ZNF34: variants seen among roughly 807,000 people sequenced by gnomAD.
The protein encoded by ZNF34 is zinc finger protein 34, also known as zinc finger protein 34 (KOX 32).
A neutral mutation model predicts 14.4 loss-of-function variants in ZNF34; 8 were observed. That is an observed-to-expected ratio of 0.55 (90% CI 0.33 to 1.00). The LOEUF (loss-of-function observed/expected upper bound fraction) is 1.00, where lower values mean the gene tolerates loss of function less well. Among genes scored for constraint, ZNF34 ranks in the 50% least tolerant of loss-of-function variants. The probability of loss-of-function intolerance (pLI) is 0.03; values close to 1 mark genes in which losing one functional copy is unlikely to be tolerated. For synonymous variants in ZNF34, 235 were observed against 247.9 expected, an observed-to-expected ratio of 0.95 and a Z score of 0.49; for missense variants, 538 against 674.2, an observed-to-expected ratio of 0.80 and a Z score of 2.24.
chr8:144,773,280 C>T lies in ZNF34; in HGVS notation c.1606G>A (p.Asp536Asn). Residue 536 changes from aspartate to asparagine, a missense_variant, in exon 6 of 6, where the codon GAC becomes AAC. Asp to Asn is a conservative substitution (Grantham distance 23, BLOSUM62 1). This residue lies in a region of ZNF34 where 101 missense variants were observed against 123.1 expected (regional missense o/e 0.82). Transcript: ENST00000429371. The surrounding 1 kb of genome is among the most constrained non-coding windows in gnomAD (Gnocchi z 5.4). ...CQHQRIHLRE[D>N]FSM ...CCGCGCCACTGTTACATGGAGAAGT[C>T]CTCCCGGAGGTGAATCCGCTGATGC... The T allele has an allele frequency of 6.2e-7, 1 of 1,606,646 alleles. No individual in the cohort carries two copies. The highest frequency in any genetic ancestry group is 8.5e-7 in the Non-Finnish European group (1 of 1,174,496).
At position 144,773,385 on chromosome 8, in the gene ZNF34, G is replaced by T. The variant is rs775635720; in HGVS notation, c.1501C>A (p.Arg501=). ...FSQSTYLIQH[R]RIHTGEKPYK... is the part of the protein sequence containing the mutation. ...GGCTTCTCCCCGGTGTGGATCCTCCGGTGCTGAATCAAGTACGTGCTCTGG... is the reference window on the plus strand; with the variant it reads ...GGCTTCTCCCCGGTGTGGATCCTCCTGTGCTGAATCAAGTACGTGCTCTGG... The change falls in exon 6 of 6, where the codon CGG becomes AGG. Residue 501 remains arginine (R), a synonymous_variant. Coordinates refer to ENST00000429371, the MANE Select transcript of ZNF34 (RefSeq NM_001286769.2). This position sits in a 1 kb window ranked among gnomAD's most constrained non-coding sequence, Gnocchi z 5.4. 1.2e-6 allele frequency: 2 copies of T among 1,613,854 alleles called. No individual in the cohort carries two copies. The highest frequency in any genetic ancestry group is 3.3e-5 in the Admixed American group (2 of 59,972).
At chr8:144,784,842 G>A (rs774784168) in intron 1 of ZNF34, among the ~76,000 whole-genome samples, 1 of 151,818 alleles carries the variant, frequency 6.6e-6, no homozygotes, top group Admixed American at 6.6e-5. Flanking sequence ...AAGAAAAAAG[G>A]CCAGGCATGG....
intron 1 of ZNF34, among the ~76,000 whole-genome samples, chr8:144,784,017 G>A (rs1279592654): frequency 6.6e-6 from 1 of 151,916 alleles, no homozygotes; most frequent in African/African-American, 2.4e-5. Flanking sequence ...AAATTAGCCC[G>A]GCCATGGTGG....
intron 1 of ZNF34, among the ~76,000 whole-genome samples, chr8:144,781,497 C>T (rs936635058): frequency 1.3e-5 from 2 of 152,034 alleles, no homozygotes; most frequent in Non-Finnish European, 2.9e-5. Context: ...ACCTTGTGAT[C>T]TGCCCGCCTT....
At position 144,777,681 on chromosome 8, in the gene ZNF34, G is replaced by T; in HGVS notation, c.161-104C>A. On this transcript the variant is annotated intron_variant, in intron 4 of 5. Transcript: ENST00000429371. This position sits in a 1 kb window ranked among gnomAD's most constrained non-coding sequence, Gnocchi z 4.8. Reference sequence around the variant, plus strand: ...GGTAAGGGAGGCACAGGCAGAGGGGGTGATGGAAGCCTGGACACTCTCTGG... The same window carrying T: ...GGTAAGGGAGGCACAGGCAGAGGGGTTGATGGAAGCCTGGACACTCTCTGG... 1 of 1,374,600 alleles carries T rather than the reference G, an allele frequency of 7.3e-7. No individual in the cohort carries two copies. The highest frequency in any genetic ancestry group is 9.8e-7 in the Non-Finnish European group (1 of 1,016,362). The allele number at this position is 1,374,600 out of a possible 1,614,324, so 85.2% of individuals were successfully genotyped here.
rs1203082868 is a variant in ZNF34, at chr8:144,773,779, T to C, written c.1107A>G (p.Pro369=). 6.2e-7 allele frequency: 1 copy of C among 1,614,046 alleles called. No individual in the cohort carries two copies. Among genetic ancestry groups the C allele is most frequent in the Non-Finnish European group, 8.5e-7 (1 of 1,179,948 alleles). ...CTTTGCCACATTCCTTGCACTCAAATGGCTTCTCTCCGGTGTGAGTCCGAC... is the reference window on the plus strand; with the variant it reads ...CTTTGCCACATTCCTTGCACTCAAACGGCTTCTCTCCGGTGTGAGTCCGAC... ...RHRRTHTGEK[P]FECKECGKGF... Residue 369 remains proline, a synonymous_variant, in exon 6 of 6, where the codon CCA becomes CCG. Coordinates refer to ENST00000429371, the MANE Select transcript of ZNF34 (RefSeq NM_001286769.2). The surrounding 1 kb of genome is among the most constrained non-coding windows in gnomAD (Gnocchi z 5.4).
chr8:144,781,235 T>G (rs1365001537), intron 1 of ZNF34, among the ~76,000 whole-genome samples: 1 of 151,650 alleles, frequency 6.6e-6, no homozygotes. Context: ...ACAGTATGGA[T>G]CTACCAAACA....
intron 1 of ZNF34, among the ~76,000 whole-genome samples, chr8:144,783,034 T>C (rs1825997529): frequency 6.6e-6 from 1 of 151,558 alleles, no homozygotes; most frequent in Non-Finnish European, 1.5e-5. Context: ...TGTGGTTGGC[T>C]CATGCCTGTA....
chr8:144,773,082 G>T lies in ZNF34; in HGVS notation c.*184C>A. ...AAGCTTCTTTTTTGCCCACTTTTCT[G>T]TCTCAATTTCTCTAAAATGAACATG... On this transcript the variant is annotated 3_prime_UTR_variant, in exon 6 of 6. Coordinates refer to ENST00000429371, the MANE Select transcript of ZNF34 (RefSeq NM_001286769.2). The surrounding 1 kb of genome is among the most constrained non-coding windows in gnomAD (Gnocchi z 5.4). 1 of 638,546 alleles carries T rather than the reference G, an allele frequency of 1.6e-6. No homozygotes were observed. Among genetic ancestry groups the T allele is most frequent in the Non-Finnish European group, 2.4e-6 (1 of 414,690 alleles). The allele number at this position is 638,546 out of a possible 1,614,324, so 39.6% of individuals were successfully genotyped here. A position where few individuals can be genotyped will look rare whatever the true frequency, so the allele number is the denominator to read the frequency against.
chr8:144,773,543 T>C lies in ZNF34; in HGVS notation c.1343A>G (p.His448Arg). The change falls in exon 6 of 6, where the codon CAC becomes CGC. Residue 448 changes from histidine to arginine, a missense_variant. By Grantham distance (29) the His-to-Arg change is conservative. Transcript: ENST00000429371. This position sits in a 1 kb window ranked among gnomAD's most constrained non-coding sequence, Gnocchi z 5.4. The part of the protein sequence containing the change: ...STHLIQHQRI[H>R]TGEKPYKCSE... ...GCACTTGTAGGGCTTCTCTCCTGTG[T>C]GGATTCTCTGGTGCTGGATGAGGTG... The C allele has an allele frequency of 6.2e-7, 1 of 1,614,242 alleles. No individual in the cohort carries two copies. Among genetic ancestry groups the C allele is most frequent in the Non-Finnish European group, 8.5e-7 (1 of 1,180,036 alleles).
At position 144,778,093 on chromosome 8, in the gene ZNF34, C is replaced by T. The variant is rs762742514; in HGVS notation, c.105G>A (p.Gln35=). ...REEWGRLGPA[Q]RGLYRDVMLE... ...GCATCACGTCCCTGTAGAGGCCCCT[C>T]TGAGCAGGGCCCAGGCGGCCCCATT... is the stretch of plus-strand genomic sequence containing the variant. The change falls in exon 4 of 6, where the codon CAG becomes CAA. Residue 35 remains glutamine (Q), a synonymous_variant. Coordinates refer to ENST00000429371, the MANE Select transcript of ZNF34 (RefSeq NM_001286769.2). The T allele has an allele frequency of 1.2e-6, 2 of 1,614,068 alleles. No individual in the cohort carries two copies. Among genetic ancestry groups the T allele is most frequent in the Non-Finnish European group, 1.7e-6 (2 of 1,179,950 alleles).
chr8:144,782,842 CAAAAAAAAAA>C (rs548252812), intron 1 of ZNF34, among the ~76,000 whole-genome samples: 12 of 22,972 alleles, frequency 5.2e-4, no homozygotes, highest in South Asian at 7.2e-3. Context: ...AAGCCTATCT[CAAAAAAAAAA>C]AAAAAAAAAA....
At position 144,773,884 on chromosome 8, in the gene ZNF34, T is replaced by C; in HGVS notation, c.1002A>G (p.Arg334=). The C allele has an allele frequency of 6.2e-7, 1 of 1,613,820 alleles. No homozygotes were observed. The highest frequency in any genetic ancestry group is 8.5e-7 in the Non-Finnish European group (1 of 1,179,960). ...SAYSSLIYHQ[R]IHTGEKPYKC... ...TATAGGGTTTCTCTCCGGTGTGGAT[T>C]CTCTGGTGATAAATCAGGGAAGAGT... The change falls in exon 6 of 6, where the codon AGA becomes AGG. Residue 334 remains arginine (R), a synonymous_variant. Coordinates refer to ENST00000429371, the MANE Select transcript of ZNF34 (RefSeq NM_001286769.2). This position sits in a 1 kb window ranked among gnomAD's most constrained non-coding sequence, Gnocchi z 5.4.
At chr8:144,776,650 C>CT (rs2130231423) in intron 5 of ZNF34, among the ~76,000 whole-genome samples, 1 of 151,690 alleles carries the variant, frequency 6.6e-6, no homozygotes, top group South Asian at 2.1e-4. Context: ...GTGGCTCACA[C>CT]TTTAACTCCA....
chr8:144,785,142 T>C (rs1409888071), intron 1 of ZNF34, among the ~76,000 whole-genome samples: 3 of 149,728 alleles, frequency 2.0e-5, no homozygotes, highest in African/African-American at 7.4e-5. Flanking sequence ...AAAAGGATTC[T>C]GTACAAGACA....
At position 144,779,126 on chromosome 8, in the gene ZNF34, C is replaced by A. The variant is rs1431331984; in HGVS notation, c.-54-601G>T. ...AAACCCCTTGTGGCTTGGATGGAAT[C>A]CAGGGCTCAGGGCACAAAACCCCTC... On this transcript the variant is annotated intron_variant, in intron 2 of 5. Transcript: ENST00000429371. The surrounding 1 kb of genome is among the most constrained non-coding windows in gnomAD (Gnocchi z 4.1). Among the ~76,000 whole-genome samples, 1 of 151,932 alleles carries A rather than the reference C, an allele frequency of 6.6e-6. No individual in the cohort carries two copies. Among genetic ancestry groups the A allele is most frequent in the African/African-American group, 2.4e-5 (1 of 41,360 alleles).
rs1235533179 is a variant in ZNF34, at chr8:144,777,524, C to T, written c.214G>A (p.Asp72Asn). Reference sequence around the variant, plus strand: ...TGAACATCCAGGACCCAGGGCTCATCCCCTCGCTCCAACTGCGAGATCACT... The same window carrying T: ...TGAACATCCAGGACCCAGGGCTCATTCCCTCGCTCCAACTGCGAGATCACT... ...PGVISQLERG[D>N]EPWVLDVQGT... The change falls in exon 5 of 6, where the codon GAT (aspartate) becomes AAT (asparagine). Residue 72 changes from aspartate (D) to asparagine (N), a missense_variant. Transcript: ENST00000429371. The surrounding 1 kb of genome is among the most constrained non-coding windows in gnomAD (Gnocchi z 4.8). The T allele has an allele frequency of 1.3e-6, 2 of 1,554,288 alleles. No homozygotes were observed.
In ZNF34 at chr8:144,778,466, C is replaced by T. The variant is rs200071380; in HGVS notation, c.6G>A (p.Ala2=). 591 of 1,590,902 alleles carry T rather than the reference C, an allele frequency of 3.7e-4. 1 individual carries two copies. In the African/African-American group the frequency reaches 6.1e-3, roughly 16 times the overall value. The stretch of plus-strand genomic sequence containing the variant: ...GGGGTGGGGCAGACAGGAACAAGGC[C>T]GCCATTGCCTGAGGGTTGGGCTTTC... The part of the protein sequence containing the change: M[A]ALFLSAPPQA... The change falls in exon 3 of 6, where the codon GCG becomes GCA. Residue 2 remains alanine (A), a synonymous_variant. Coordinates refer to ENST00000429371, the MANE Select transcript of ZNF34 (RefSeq NM_001286769.2).
At chr8:144,786,271 G>T (rs2130343952) in intron 1 of ZNF34, among the ~76,000 whole-genome samples, 1 of 151,942 alleles carries the variant, frequency 6.6e-6, no homozygotes, top group Admixed American at 6.6e-5. Flanking sequence ...TTGCAGGCGT[G>T]AGCCACCGTG....
Sources: allele counts gnomAD v4.1 joint callset (sites outside exome capture counted in the v4.1 genomes callset), GRCh38; gene constraint gnomAD v4.1.1; regional missense constraint gnomAD v4.1.1; non-coding constraint Gnocchi (gnomAD v3.1); transcripts MANE v1.5; gene names NCBI Gene and HGNC (gene_info 2026-07-23, HGNC 2026-07-21).